DENND5B: variants seen among roughly 807,000 people sequenced by gnomAD.
DENND5B encodes DENN domain containing 5B, also known as DENN domain-containing protein 5B.
DENND5B carries 34 observed loss-of-function variants against 140.6 expected under a neutral mutation model. That is an observed-to-expected ratio of 0.24 (90% CI 0.18 to 0.32). DENND5B has a LOEUF of 0.32. Ranked by LOEUF, DENND5B falls within the 10% of genes least tolerant of loss-of-function variation. The probability of loss-of-function intolerance (pLI) is 1.00; values close to 1 mark genes in which losing one functional copy is unlikely to be tolerated. For missense variants in DENND5B, 1,142 were observed against 1,560.2 expected (o/e 0.73, Z 4.52); for synonymous variants, 551 against 562.1 (o/e 0.98, Z 0.28).
At chr12:31,553,532 A>G (rs2139266648) in intron 1 of DENND5B, among the ~76,000 whole-genome samples, 1 of 152,286 alleles carries the variant, frequency 6.6e-6, no homozygotes. Flanking sequence ...CAAAGAATGT[A>G]TATTCTGTTG....
intron 4 of DENND5B, among the ~76,000 whole-genome samples, chr12:31,454,812 C>CTT (rs201720111): frequency 0.085 from 7,873 of 93,136 alleles, 855 homozygotes; most frequent in East Asian, 0.16. Context: ...GATTCAGTAT[C>CTT]TTTTTTTTTT....
At chr12:31,504,955 T>C (rs75293496) in intron 1 of DENND5B, among the ~76,000 whole-genome samples, 1 of 152,286 alleles carries the variant, frequency 6.6e-6, no homozygotes, top group East Asian at 1.9e-4. Flanking sequence ...AGTCACTAAA[T>C]ATCTTTGTGA....
At chr12:31,402,017 C>A (rs920870255) in intron 15 of DENND5B, among the ~76,000 whole-genome samples, 1 of 144,774 alleles carries the variant, frequency 6.9e-6, no homozygotes, top group East Asian at 2.0e-4. Context: ...GAGGTTGCAA[C>A]GAGTGAAGAT....
chr12:31,581,978 T>C (rs1950223891), intron 1 of DENND5B, among the ~76,000 whole-genome samples: 2 of 152,330 alleles, frequency 1.3e-5, no homozygotes, highest in South Asian at 4.1e-4. Flanking sequence ...TCCATGTAAA[T>C]GGTTGTTATG....
intron 11 of DENND5B, among the ~76,000 whole-genome samples, chr12:31,418,276 T>A (rs1337577637): frequency 1.3e-5 from 1 of 75,260 alleles, no homozygotes; most frequent in Admixed American, 2.1e-4. Context: ...TATCTTTTTT[T>A]CTTTTCTTTT....
intron 4 of DENND5B, among the ~76,000 whole-genome samples, chr12:31,454,975 C>G (rs987251141): frequency 6.6e-6 from 1 of 151,814 alleles, no homozygotes; most frequent in Non-Finnish European, 1.5e-5. Flanking sequence ...CCTGCCACCA[C>G]GCCCGGCTAA....
chr12:31,554,664 G>A (rs1045602408), intron 1 of DENND5B, among the ~76,000 whole-genome samples: 1 of 152,148 alleles, frequency 6.6e-6, no homozygotes, highest in Non-Finnish European at 1.5e-5. Context: ...TTCCAACTTG[G>A]TTCCATTCTC....
chr12:31,507,798 G>A (rs1039902648), intron 1 of DENND5B, among the ~76,000 whole-genome samples: 6 of 152,094 alleles, frequency 3.9e-5, no homozygotes, highest in African/African-American at 1.4e-4. Flanking sequence ...ATACAGCCAC[G>A]AAAACAAGGT....
intron 1 of DENND5B, among the ~76,000 whole-genome samples, chr12:31,551,931 C>T (rs1949077448): frequency 6.6e-6 from 1 of 152,218 alleles, no homozygotes; most frequent in Non-Finnish European, 1.5e-5. Context: ...TGAGACTTTG[C>T]TGAAGTTGCT....
intron 1 of DENND5B, among the ~76,000 whole-genome samples, chr12:31,566,488 G>T (rs1051857527): frequency 2.6e-5 from 4 of 151,888 alleles, no homozygotes; most frequent in African/African-American, 4.8e-5. Flanking sequence ...CATGTCATAG[G>T]CTGGGCCCAG....
chr12:31,524,675 T>A (rs984186201), intron 1 of DENND5B, among the ~76,000 whole-genome samples: 2 of 148,998 alleles, frequency 1.3e-5, no homozygotes, highest in South Asian at 4.3e-4. Context: ...AGAAGGAATA[T>A]CCTTGAAATT....
rs183184983 is a variant in DENND5B, at chr12:31,409,640, G to C, written c.2682-256C>G. Among the ~76,000 whole-genome samples, 639 of 152,128 alleles carry C rather than the reference G, an allele frequency of 4.2e-3. 5 individuals are homozygous for C. Among genetic ancestry groups the C allele is most frequent in the African/African-American group, 0.014 (579 of 41,514 alleles). Reference sequence around the variant, plus strand: ...ATTACAGGCATGTGCCACCACGCCAGGCTAATTTTTGTATTTTTAGTAGGG... The same window carrying C: ...ATTACAGGCATGTGCCACCACGCCACGCTAATTTTTGTATTTTTAGTAGGG... On this transcript the variant is annotated intron_variant, in intron 13 of 20. Coordinates refer to ENST00000389082, the MANE Select transcript of DENND5B (RefSeq NM_144973.4).
intron 2 of DENND5B, among the ~76,000 whole-genome samples, chr12:31,488,132 T>C (rs1025356089): frequency 6.7e-5 from 1 of 14,964 alleles, no homozygotes; most frequent in Admixed American, 1.6e-3. Flanking sequence ...TACCCGGCTA[T>C]TTTTTTTTTT....
intron 1 of DENND5B, 125 bp downstream of exon 1, chr12:31,590,580 GA>G: frequency 8.5e-7 from 1 of 1,180,130 alleles, no homozygotes; most frequent in South Asian, 2.0e-5. Context: ...AGTTCGGCCA[GA>G]AAGCGGCGGG....
chr12:31,423,453 G>T, intron 11 of DENND5B, 144 bp downstream of exon 11: 1 of 763,366 alleles, frequency 1.3e-6, no homozygotes, highest in Non-Finnish European at 2.1e-6. Context: ...CAGTTAGTAA[G>T]TAATATTGCT....
chr12:31,577,457 T>C (rs1950052680), intron 1 of DENND5B, among the ~76,000 whole-genome samples: 1 of 151,606 alleles, frequency 6.6e-6, no homozygotes, highest in Non-Finnish European at 1.5e-5. Flanking sequence ...ACGCCTGTAA[T>C]CCCAGCACTT....
At chr12:31,522,874 T>G (rs111458853) in intron 1 of DENND5B, among the ~76,000 whole-genome samples, 1 of 152,074 alleles carries the variant, frequency 6.6e-6, no homozygotes. Context: ...TATGCAGGCT[T>G]TGACTTCCAG....
chr12:31,392,150 A>G, intron 19 of DENND5B, 117 bp downstream of exon 19: 2 of 1,114,660 alleles, frequency 1.8e-6, no homozygotes, highest in East Asian at 3.1e-5. Context: ...AAAAAAAAAA[A>G]AGAAAAAAAA....
intron 2 of DENND5B, among the ~76,000 whole-genome samples, chr12:31,485,736 C>CCTCT (rs55748263): frequency 0.46 from 68,409 of 149,592 alleles, 16,692 homozygotes; most frequent in East Asian, 0.79. Context: ...GCTTCCATCT[C>CCTCT]CTCTCTCTCT....
Sources: gnomAD v4.1 joint callset for allele counts (sites outside exome capture counted in the v4.1 genomes callset) on GRCh38, gnomAD v4.1.1 for gene constraint, MANE v1.5 for transcripts, NCBI Gene and HGNC (gene_info 2026-07-23, HGNC 2026-07-21) for gene names.